Variants in GNB4 observed in about 807,000 individuals in gnomAD.
GNB4 encodes guanine nucleotide-binding protein subunit beta-4.
In GNB4, 28 loss-of-function variants were observed where a neutral mutation model predicts 45.2. That is an observed-to-expected ratio of 0.62 (90% confidence interval 0.46 to 0.85). GNB4 has a LOEUF of 0.85. Among genes scored for constraint, GNB4 ranks in the 40% least tolerant of loss-of-function variants. The probability of loss-of-function intolerance (pLI) is 0.00; values close to 1 mark genes in which losing one functional copy is unlikely to be tolerated. For synonymous variants in GNB4, 132 were observed against 143.7 expected (o/e 0.92, Z 0.58); for missense variants, 321 against 425.4 (o/e 0.75, Z 2.16).
chr3:179,402,823 A>G (rs1236412998), intron 9 of GNB4, among the ~76,000 whole-genome samples: 1 of 152,202 alleles, frequency 6.6e-6, no homozygotes, highest in Non-Finnish European at 1.5e-5. Flanking sequence ...GTGTTCATCA[A>G]TCAGTAAGAG....
chr3:179,489,933 C>T, the GNB4 span, among the ~76,000 whole-genome samples: 1 of 152,202 alleles, frequency 6.6e-6, no homozygotes, highest in Non-Finnish European at 1.5e-5. Context: ...TATCAAGATA[C>T]ATCTTAAGGA....
chr3:179,426,060 A>G, intron 2 of GNB4, 84 bp downstream of exon 2: 1 of 1,018,914 alleles, frequency 9.8e-7, no homozygotes, highest in South Asian at 1.4e-5. Context: ...AAATCATTTA[A>G]TATAGACTGA....
At chr3:179,504,835 G>A in the GNB4 span, among the ~76,000 whole-genome samples, 1 of 152,136 alleles carries the variant, frequency 6.6e-6, no homozygotes, top group East Asian at 1.9e-4. Context: ...CTGTCTGCCT[G>A]ACAAGATGAC....
chr3:179,402,395 A>G (rs1234770792), intron 9 of GNB4, among the ~76,000 whole-genome samples: 2 of 152,222 alleles, frequency 1.3e-5, no homozygotes, highest in East Asian at 3.8e-4. Flanking sequence ...AAAACACCAA[A>G]TATCTTTAAA....
At chr3:179,511,326 G>A in the GNB4 span, among the ~76,000 whole-genome samples, 1 of 152,124 alleles carries the variant, frequency 6.6e-6, no homozygotes, top group Non-Finnish European at 1.5e-5. Context: ...TTTATATCCA[G>A]CATCTGATAT....
rs550391951 is a variant in GNB4, at chr3:179,430,334, C to G, written c.-42-4092G>C. 2.8e-4 allele frequency among the ~76,000 whole-genome samples: 43 copies of G among 152,262 alleles called. No homozygotes were observed. The South Asian group carries it at 6.4e-3, about 23-fold the overall frequency. ...AAACTCCTGGGCTCAAGCGATCCCCCCCACCTGAGCTTTTCAAAGTGCTGG... is the reference window on the plus strand; with the variant it reads ...AAACTCCTGGGCTCAAGCGATCCCCGCCACCTGAGCTTTTCAAAGTGCTGG... On this transcript the variant is annotated intron_variant, in intron 1 of 9. Transcript: ENST00000232564.
At chr3:179,518,851 C>T in the GNB4 span, among the ~76,000 whole-genome samples, 1 of 152,222 alleles carries the variant, frequency 6.6e-6, no homozygotes, top group Admixed American at 6.5e-5. Flanking sequence ...ATCTTATTCT[C>T]AATATGCATT....
At chr3:179,512,056 G>T in the GNB4 span, among the ~76,000 whole-genome samples, 3 of 152,222 alleles carry the variant, frequency 2.0e-5, no homozygotes, top group Non-Finnish European at 4.4e-5. Flanking sequence ...CATCATGGCT[G>T]ATAGAATACA....
the GNB4 span, among the ~76,000 whole-genome samples, chr3:179,495,551 AAAAGAAAAG>A: frequency 4.6e-5 from 3 of 65,012 alleles, no homozygotes; most frequent in Non-Finnish European, 1.1e-4. Flanking sequence ...AAAATAAAAG[AAAAGAAAAG>A]AAAGAAAGAG....
At chr3:179,508,003 A>G in the GNB4 span, among the ~76,000 whole-genome samples, 1 of 152,176 alleles carries the variant, frequency 6.6e-6, no homozygotes, top group South Asian at 2.1e-4. Context: ...TGATACTGAG[A>G]GGTTGGGAGA....
At chr3:179,498,303 A>G in the GNB4 span, among the ~76,000 whole-genome samples, 1 of 152,234 alleles carries the variant, frequency 6.6e-6, no homozygotes, top group Non-Finnish European at 1.5e-5. Context: ...CAAGAGTGAG[A>G]GCAGGAATGG....
the GNB4 span, among the ~76,000 whole-genome samples, chr3:179,517,071 T>A: frequency 6.6e-4 from 100 of 152,166 alleles, no homozygotes; most frequent in African/African-American, 2.4e-3. Context: ...ATGGAAGGTG[T>A]CAGGCCTCAG....
the GNB4 span, among the ~76,000 whole-genome samples, chr3:179,514,744 C>A: frequency 1.3e-5 from 2 of 152,130 alleles, no homozygotes; most frequent in African/African-American, 4.8e-5. Context: ...AGAGGCTTCA[C>A]CAGAAACCAA....
intron 1 of GNB4, among the ~76,000 whole-genome samples, chr3:179,432,519 G>A (rs1212448994): frequency 6.6e-6 from 1 of 152,162 alleles, no homozygotes; most frequent in Non-Finnish European, 1.5e-5. Context: ...CCTAAAGGCT[G>A]ACTAGGGTAA....
chr3:179,468,945 C>T, the GNB4 span, among the ~76,000 whole-genome samples: 7 of 152,248 alleles, frequency 4.6e-5, 1 homozygote, highest in East Asian at 3.9e-4. Context: ...CTGGGGGCTT[C>T]GTCTGCATAA....
At chr3:179,509,568 T>C in the GNB4 span, among the ~76,000 whole-genome samples, 1 of 151,778 alleles carries the variant, frequency 6.6e-6, no homozygotes, top group African/African-American at 2.4e-5. Context: ...AACTACTCCA[T>C]GGAGCGGACT....
the GNB4 span, among the ~76,000 whole-genome samples, chr3:179,493,991 G>T: frequency 2.0e-5 from 3 of 152,186 alleles, no homozygotes; most frequent in Non-Finnish European, 2.9e-5. Context: ...AACATGGAAT[G>T]CTAGAGGCTG....
the GNB4 span, among the ~76,000 whole-genome samples, chr3:179,510,604 T>G: frequency 6.6e-6 from 1 of 152,044 alleles, no homozygotes; most frequent in African/African-American, 2.4e-5. Flanking sequence ...TTTGCTCTTT[T>G]TTTTTTTTTT....
At chr3:179,513,710 C>A in the GNB4 span, among the ~76,000 whole-genome samples, 134 of 152,172 alleles carry the variant, frequency 8.8e-4, no homozygotes, top group African/African-American at 3.2e-3. Context: ...GTTCTCTCTC[C>A]CACCTACCCC....
Sources: gnomAD v4.1 joint callset for allele counts (sites outside exome capture counted in the v4.1 genomes callset) on GRCh38, gnomAD v4.1.1 for gene constraint, MANE v1.5 for transcripts, NCBI Gene and HGNC (gene_info 2026-07-23, HGNC 2026-07-21) for gene names.